FANCD2: variants seen among roughly 807,000 people sequenced by gnomAD.
FANCD2 encodes the protein Fanconi anemia group D2 protein.
Under a neutral mutation model 192.3 loss-of-function variants are expected in FANCD2, and 131 were observed. The observed-to-expected ratio is 0.68, with a 90% CI of 0.59 to 0.79. The LOEUF (loss-of-function observed/expected upper bound fraction) is 0.79, where lower values mean the gene tolerates loss of function less well. FANCD2 is among the 30% of genes least tolerant of loss of function. FANCD2 has a pLI of 0.00. For synonymous variants in FANCD2, 524 were observed against 612.5 expected (o/e 0.86, Z 2.13); for missense variants, 1,508 against 1,701.6 (o/e 0.89, Z 2.00).
At chr3:10,049,261 G>T (rs1251818430) in intron 16 of FANCD2, 113 bp from the exon 17 acceptor site, 3 of 1,099,152 alleles carry the variant, frequency 2.7e-6, no homozygotes, top group Non-Finnish European at 4.1e-6. Flanking sequence ...GATGGGTTTG[G>T]GTTGATTGTG....
At position 10,101,183 on chromosome 3, in the gene FANCD2, C is replaced by T. The variant is rs1346676084; in HGVS notation, c.4282-5C>T. ...ATGCTTATTTATTTATTCTTTGCCCCTTAGGATGGTGAAGAAGACGAAGTA... is the reference window on the plus strand; with the variant it reads ...ATGCTTATTTATTTATTCTTTGCCCTTTAGGATGGTGAAGAAGACGAAGTA... On this transcript the variant is annotated splice_polypyrimidine_tract_variant and splice_region_variant and intron_variant, in intron 43 of 43. Coordinates refer to ENST00000675286, the MANE Select transcript of FANCD2 (RefSeq NM_001018115.3). 1.2e-6 allele frequency: 2 copies of T among 1,610,120 alleles called. No individual in the cohort carries two copies. The highest frequency in any genetic ancestry group is 1.7e-6 in the Non-Finnish European group (2 of 1,176,528).
intron 7 of FANCD2, among the ~76,000 whole-genome samples, chr3:10,036,928 C>T (rs2086745762): frequency 6.6e-6 from 1 of 151,964 alleles, no homozygotes; most frequent in South Asian, 2.1e-4. Flanking sequence ...CTCCACCTCC[C>T]AGGCTTAAGT....
intron 2 of FANCD2, among the ~76,000 whole-genome samples, chr3:10,030,558 T>C (rs2086566851): frequency 6.6e-6 from 1 of 152,156 alleles, no homozygotes; most frequent in Admixed American, 6.6e-5. Flanking sequence ...ATTATAATGA[T>C]AAAAATTGTG....
chr3:10,043,239 C>G (rs2086910430), intron 12 of FANCD2, 89 bp downstream of exon 12: 1 of 952,574 alleles, frequency 1.0e-6, no homozygotes. Flanking sequence ...AATAATGATA[C>G]TATTATGACA....
At chr3:10,039,244 G>C (rs773259037) in intron 7 of FANCD2, 35 bp from the exon 8 acceptor site, 11 of 1,497,736 alleles carry the variant, frequency 7.3e-6, no homozygotes, top group Non-Finnish European at 9.3e-6. Flanking sequence ...GACCAGAAAG[G>C]CTCAGTTCCC....
chr3:10,061,126 G>C (rs1266112505), intron 19 of FANCD2, among the ~76,000 whole-genome samples: 4 of 152,138 alleles, frequency 2.6e-5, no homozygotes, highest in African/African-American at 9.7e-5. Flanking sequence ...CTGCAACTTT[G>C]GCATTATCAG....
At chr3:10,029,807 G>A (rs1245619893) in intron 2 of FANCD2, among the ~76,000 whole-genome samples, 1 of 151,974 alleles carries the variant, frequency 6.6e-6, no homozygotes, top group African/African-American at 2.4e-5. Context: ...TGTTTGAGAC[G>A]GAGTCTCACT....
rs750567765 is a variant in FANCD2, at chr3:10,074,518, AC to A, written c.2716-11del. 2 of 1,610,814 alleles carry A rather than the reference AC, an allele frequency of 1.2e-6. No individual in the cohort carries two copies. The highest frequency in any genetic ancestry group is 1.7e-6 in the Non-Finnish European group (2 of 1,177,902). On this transcript the variant is annotated splice_polypyrimidine_tract_variant and intron_variant, in intron 28 of 43. Coordinates refer to ENST00000675286, the MANE Select transcript of FANCD2 (RefSeq NM_001018115.3). ...TTTATATATTCTCTTTGTTGCTGTG[AC>A]TTCCCCATAGGAGTTCACAGGGAAG...
At position 10,036,086 on chromosome 3, in the gene FANCD2, C is replaced by CTTTTTTTTTTTTTT. The variant is rs532765216; in HGVS notation, c.439-195_439-182dup. On this transcript the variant is annotated intron_variant, in intron 6 of 43. Coordinates refer to ENST00000675286, the MANE Select transcript of FANCD2 (RefSeq NM_001018115.3). Reference sequence around the variant, plus strand: ...TAGTTGGAAAGAGAATTATACATTTCTTTTTTTTTTTTTTTTTTTGAGTCA... The same window carrying CTTTTTTTTTTTTTT: ...TAGTTGGAAAGAGAATTATACATTTCTTTTTTTTTTTTTTTTTTTTTTTTTTTTTTTTTGAGTCA... Among the ~76,000 whole-genome samples the CTTTTTTTTTTTTTT allele has an allele frequency of 2.5e-4, 26 of 102,576 alleles. 2 individuals carry two copies. Among genetic ancestry groups the CTTTTTTTTTTTTTT allele is most frequent in the African/African-American group, 5.0e-4 (12 of 23,986 alleles). 67.3% of individuals were successfully genotyped at this position (102,576 alleles called of 152,430 possible).
intron 1 of FANCD2, among the ~76,000 whole-genome samples, chr3:10,026,981 C>G (rs2086468373): frequency 6.7e-6 from 1 of 150,142 alleles, no homozygotes; most frequent in Non-Finnish European, 1.5e-5. Flanking sequence ...AGCCAGACTC[C>G]GAGTTAGAAT....
rs747371509 is a variant in FANCD2, at chr3:10,101,266, C to T, written c.*4C>T. The T allele has an allele frequency of 6.2e-7, 1 of 1,601,416 alleles. No homozygotes were observed. The highest frequency in any genetic ancestry group is 1.1e-5 in the South Asian group (1 of 90,860). On this transcript the variant is annotated 3_prime_UTR_variant, in exon 44 of 44. Coordinates refer to ENST00000675286, the MANE Select transcript of FANCD2 (RefSeq NM_001018115.3). ...GAGTTATGATGACTCTGATTAGACC[C>T]CAGATAAATTGTTGCCTGCTTCTGT...
chr3:10,079,185 A>G (rs1277575431), intron 30 of FANCD2, among the ~76,000 whole-genome samples: 1 of 152,070 alleles, frequency 6.6e-6, no homozygotes, highest in Non-Finnish European at 1.5e-5. Context: ...CAGACGCTGC[A>G]GTGAACCAAG....
chr3:10,062,232 C>G (rs1246555172), intron 20 of FANCD2, 21 bp downstream of exon 20: 1 of 1,593,766 alleles, frequency 6.3e-7, no homozygotes, highest in Non-Finnish European at 8.6e-7. Flanking sequence ...TTTTTCCTTT[C>G]TTTCTTTTTC....
intron 23 of FANCD2, 22 bp downstream of exon 23, chr3:10,064,897 T>A: frequency 6.2e-7 from 1 of 1,612,840 alleles, no homozygotes; most frequent in South Asian, 1.1e-5. Flanking sequence ...TTTTCTTTTC[T>A]AAACCTGTTA....
chr3:10,096,532 A>G, intron 42 of FANCD2, 60 bp downstream of exon 42: 2 of 1,538,948 alleles, frequency 1.3e-6, no homozygotes, highest in Non-Finnish European at 1.8e-6. Context: ...ACAGCATCAG[A>G]TGGCATGTAA....
intron 1 of FANCD2, among the ~76,000 whole-genome samples, 158 bp from the exon 2 acceptor site, chr3:10,028,467 A>G (rs531111981): frequency 2.0e-4 from 31 of 152,356 alleles, no homozygotes; most frequent in Admixed American, 2.0e-3. Context: ...GGCTAGATGT[A>G]AGAGTTGAAA....
At chr3:10,051,413 AGG>A (rs1491220118) in intron 17 of FANCD2, among the ~76,000 whole-genome samples, 1,526 of 36,124 alleles carry the variant, frequency 0.042, 154 homozygotes, top group African/African-American at 0.11. Context: ...AAAAACAAAA[AGG>A]AGTGAGGGAT....
At chr3:10,098,669 C>A (rs571307608) in intron 42 of FANCD2, 51 bp from the exon 43 acceptor site, 4 of 1,603,384 alleles carry the variant, frequency 2.5e-6, no homozygotes, top group African/African-American at 1.3e-5. Flanking sequence ...CCCCTATTAC[C>A]CTAAATGTGA....
intron 3 of FANCD2, among the ~76,000 whole-genome samples, chr3:10,033,555 G>A (rs961373845): frequency 5.3e-5 from 8 of 151,930 alleles, no homozygotes; most frequent in African/African-American, 1.9e-4. Flanking sequence ...GAAAGCAGCT[G>A]TATCAGTGTC....
Sources: gnomAD v4.1 joint callset for allele counts (sites outside exome capture counted in the v4.1 genomes callset) on GRCh38, gnomAD v4.1.1 for gene constraint, MANE v1.5 for transcripts, NCBI Gene and HGNC (gene_info 2026-07-23, HGNC 2026-07-21) for gene names.